SLC17A4: variants seen among roughly 807,000 people sequenced by gnomAD.
SLC17A4 encodes the protein solute carrier family 17 member 4.
Under a neutral mutation model 52.5 loss-of-function variants are expected in SLC17A4, and 33 were observed. The ratio of observed to expected loss-of-function variants is 0.63; its 90% CI spans 0.48 to 0.84. The LOEUF (loss-of-function observed/expected upper bound fraction) is 0.84, where lower values mean the gene tolerates loss of function less well. SLC17A4 is among the 40% of genes least tolerant of loss of function. The pLI, the probability that SLC17A4 is intolerant of heterozygous loss-of-function variation, is 0.00. For missense variants in SLC17A4, 585 were observed against 597.1 expected (o/e 0.98, Z 0.21); for synonymous variants, 225 against 216.2 (o/e 1.04, Z -0.36).
intron 5 of SLC17A4, 41 bp from the exon 6 acceptor site, chr6:25,770,885 C>A (rs369559781): frequency 6.7e-7 from 1 of 1,490,780 alleles, no homozygotes; most frequent in Non-Finnish European, 9.4e-7. Flanking sequence ...AGCCCCAAGA[C>A]GAGTCCTCTC....
intron 10 of SLC17A4, chr6:25,777,652 C>A: frequency 3.1e-6 from 1 of 319,408 alleles, no homozygotes; most frequent in Non-Finnish European, 5.7e-6. Flanking sequence ...GACCATCTTG[C>A]ATAAACAATG....
chr6:25,769,060 A>G lies in SLC17A4; in HGVS notation c.167A>G (p.Asn56Ser). Reference protein sequence around the residue: ...CNFSIYTQQMNLSIAIPAMVN... With the variant: ...CNFSIYTQQMSLSIAIPAMVN... Reference sequence around the variant, plus strand: ...TTTTCAATTTACACCCAACAAATGAACTTGAGCATTGCCATCCCAGCTATG... The same window carrying G: ...TTTTCAATTTACACCCAACAAATGAGCTTGAGCATTGCCATCCCAGCTATG... The change falls in exon 3 of 12, where the codon AAC (asparagine) becomes AGC (serine). Residue 56 changes from asparagine to serine, a missense_variant. Asn to Ser is a conservative substitution (Grantham distance 46). Transcript: ENST00000377905. The G allele has an allele frequency of 3.7e-6, 6 of 1,614,094 alleles. No homozygotes were observed. Among genetic ancestry groups the G allele is most frequent in the Non-Finnish European group, 5.1e-6 (6 of 1,179,982 alleles).
chr6:25,773,438 C>A (rs1039146744), intron 7 of SLC17A4, 45 bp downstream of exon 7: 2 of 1,611,494 alleles, frequency 1.2e-6, no homozygotes, highest in African/African-American at 2.7e-5. Context: ...TCCCTCTAGA[C>A]GTCTGAGAGA....
chr6:25,756,023 C>T (rs1760983936), intron 1 of SLC17A4, among the ~76,000 whole-genome samples: 1 of 152,284 alleles, frequency 6.6e-6, no homozygotes. Context: ...AGCCCATCCA[C>T]CATCAACACT....
rs34953835 is a variant in SLC17A4 at position 25,779,093 on chromosome 6, G to A, written c.1399G>A (p.Ala467Thr). Residue 467 changes from alanine (A) to threonine (T), a missense_variant, in exon 12 of 12, where the codon GCT (alanine) becomes ACT (threonine). Coordinates refer to ENST00000377905, the MANE Select transcript of SLC17A4 (RefSeq NM_005495.3). ...FGWRNVFLLS[A>T]AVNISGLVFY... is the part of the protein sequence containing the mutation. The stretch of plus-strand genomic sequence containing the variant: ...TTGGAGAAATGTCTTCTTGCTTTCA[G>A]CTGCTGTTAACATATCGGGCCTGGT... The A allele has an allele frequency of 1.2e-6, 2 of 1,613,760 alleles. No individual in the cohort carries two copies. The highest frequency in any genetic ancestry group is 1.7e-6 in the Non-Finnish European group (2 of 1,179,798).
chr6:25,777,930 A>T lies in SLC17A4; in HGVS notation c.1273A>T (p.Thr425Ser), dbSNP rs757445429. 7.4e-6 allele frequency: 12 copies of T among 1,612,512 alleles called. No homozygotes were observed. In the East Asian group the frequency reaches 2.5e-4, roughly 33 times the overall value. ...AGTACCATCTCTCTCTCTCAGGTAC[A>T]CTGGCTTTCTCAAAGGACTATTGCA... Reference protein sequence around the residue: ...VNFLDIAPRYTGFLKGLLQVF... With the variant: ...VNFLDIAPRYSGFLKGLLQVF... Residue 425 changes from threonine (T) to serine (S), a missense_variant, in exon 11 of 12, where the codon ACT becomes TCT. By Grantham distance (58) the Thr-to-Ser change is moderately conservative. Coordinates refer to ENST00000377905, the MANE Select transcript of SLC17A4 (RefSeq NM_005495.3).
Position 25,777,204 on chromosome 6 carries a change from G to T in SLC17A4, c.1268+245G>T, listed in dbSNP as rs546395564. 6.5e-4 allele frequency: 298 copies of T among 460,426 alleles called. 3 individuals are homozygous for T. In the South Asian group the frequency reaches 0.011, roughly 17 times the overall value. The allele number at this position is 460,426 out of a possible 1,614,324, so 28.5% of individuals were successfully genotyped here. A position where few individuals can be genotyped will look rare whatever the true frequency, so the allele number is the denominator to read the frequency against. ...GCCATGCTCAGAGTCAACTGAGGGA[G>T]ACTCACACAAACCTCTCTCTGTTGA... On this transcript the variant is annotated intron_variant, in intron 10 of 11. Transcript: ENST00000377905.
intron 6 of SLC17A4, among the ~76,000 whole-genome samples, 157 bp downstream of exon 6, chr6:25,771,169 C>T (rs962804446): frequency 4.6e-5 from 7 of 151,964 alleles, no homozygotes; most frequent in South Asian, 2.1e-4. Context: ...TTCAGCAGCC[C>T]GAGTGTGTAG....
rs537677836 is a variant in SLC17A4, at chr6:25,780,276, G to C, written c.*1088G>C. 1 of 152,158 alleles carries C rather than the reference G, an allele frequency of 6.6e-6. No individual in the cohort carries two copies. Among genetic ancestry groups the C allele is most frequent in the Admixed American group, 6.5e-5 (1 of 15,274 alleles). The allele number at this position is 152,158 out of a possible 1,614,324, so 9.4% of individuals were successfully genotyped here. On this transcript the variant is annotated 3_prime_UTR_variant, in exon 12 of 12. Coordinates refer to ENST00000377905, the MANE Select transcript of SLC17A4 (RefSeq NM_005495.3). ...ACAGTATTAAGGAGTTCAGTGTCTC[G>C]GGAGGGCAGATAACTTTAATCAAAG...
chr6:25,778,950 T>C, intron 11 of SLC17A4, 104 bp from the exon 12 acceptor site: 2 of 1,450,266 alleles, frequency 1.4e-6, no homozygotes, highest in Non-Finnish European at 1.9e-6. Context: ...GAAGCCAGAG[T>C]GGAGGTCGGG....
Position 25,762,067 on chromosome 6 carries a change from CAGTAATCTGGT to C in SLC17A4, c.91+20_91+30del. The C allele has an allele frequency of 6.2e-7, 1 of 1,607,332 alleles. No homozygotes were observed. ...GCTCCAGGAAAGGTAAAATCATGCA[CAGTAATCTGGT>C]AGTAAATAAAACTAGGATCTGTGGC... is the stretch of plus-strand genomic sequence containing the variant. On this transcript the variant is annotated intron_variant, in intron 2 of 11. Transcript: ENST00000377905.
chr6:25,763,219 C>G (rs529628238), intron 2 of SLC17A4, among the ~76,000 whole-genome samples: 18 of 152,316 alleles, frequency 1.2e-4, no homozygotes, highest in African/African-American at 3.8e-4. Flanking sequence ...CTGGTGACCA[C>G]TCCAGGCTAT....
In SLC17A4 at chr6:25,779,215, G is replaced by T. The variant is rs1469038083; in HGVS notation, c.*27G>T. ...CAAACCGAGAGATGTGCTAGATCCT[G>T]GTGCTTAGTTCATCATTGTTTTCCC... On this transcript the variant is annotated 3_prime_UTR_variant, in exon 12 of 12. Transcript: ENST00000377905. 1 of 1,611,114 alleles carries T rather than the reference G, an allele frequency of 6.2e-7. No homozygotes were observed. The highest frequency in any genetic ancestry group is 1.3e-5 in the African/African-American group (1 of 74,884).
Position 25,779,136 on chromosome 6 carries a change from G to A in SLC17A4, c.1442G>A (p.Gly481Asp), listed in dbSNP as rs1163840569. 1 of 1,613,804 alleles carries A rather than the reference G, an allele frequency of 6.2e-7. No individual in the cohort carries two copies. The highest frequency in any genetic ancestry group is 1.1e-5 in the South Asian group (1 of 91,068). Residue 481 changes from glycine to aspartate, a missense_variant, in exon 12 of 12, where the codon GGC becomes GAC. Physicochemically the swap from Gly to Asp is moderately conservative, Grantham distance 94 (BLOSUM62 -1). Coordinates refer to ENST00000377905, the MANE Select transcript of SLC17A4 (RefSeq NM_005495.3). ...GGCCTGGTTTTCTACCTCATCTTTG[G>A]CCGAGCAGATGTGCAGGACTGGGCT... ...ISGLVFYLIFGRADVQDWAKE... is the reference protein window; with the variant it reads ...ISGLVFYLIFDRADVQDWAKE...
chr6:25,755,185 G>T lies in SLC17A4; in HGVS notation c.-37+404G>T, dbSNP rs200671547. On this transcript the variant is annotated intron_variant, in intron 1 of 11. Transcript: ENST00000377905. Reference sequence around the variant, plus strand: ...TTTAAGCATTGATCAAATCCACAGTGAGACAATAAATGCCAATACTGAATT... The same window carrying T: ...TTTAAGCATTGATCAAATCCACAGTTAGACAATAAATGCCAATACTGAATT... 1.9e-3 allele frequency among the ~76,000 whole-genome samples: 291 copies of T among 152,220 alleles called. 1 individual carries two copies. Among genetic ancestry groups the T allele is most frequent in the Non-Finnish European group, 3.1e-3 (212 of 67,996 alleles).
At chr6:25,772,238 G>A (rs942931142) in intron 6 of SLC17A4, among the ~76,000 whole-genome samples, 7 of 152,096 alleles carry the variant, frequency 4.6e-5, no homozygotes, top group African/African-American at 1.7e-4. Flanking sequence ...AAACAGTAAG[G>A]AGCATATACG....
At chr6:25,777,675 T>C (rs1403337887) in intron 10 of SLC17A4, 1 of 373,062 alleles carries the variant, frequency 2.7e-6, no homozygotes, top group Admixed American at 4.2e-5. Flanking sequence ...GACAAGTTAA[T>C]AGAGGTTACC....
chr6:25,778,555 C>T (rs913501382), intron 11 of SLC17A4, among the ~76,000 whole-genome samples: 1 of 152,094 alleles, frequency 6.6e-6, no homozygotes, highest in African/African-American at 2.4e-5. Context: ...AAATATTAAA[C>T]AGTAGTATGT....
At position 25,779,132 on chromosome 6, in the gene SLC17A4, T is replaced by C; in HGVS notation, c.1438T>C (p.Phe480Leu). 6.2e-7 allele frequency: 1 copy of C among 1,613,932 alleles called. No individual in the cohort carries two copies. The highest frequency in any genetic ancestry group is 8.5e-7 in the Non-Finnish European group (1 of 1,179,826). ...NISGLVFYLI[F>L]GRADVQDWAK... The stretch of plus-strand genomic sequence containing the variant: ...ATCGGGCCTGGTTTTCTACCTCATC[T>C]TTGGCCGAGCAGATGTGCAGGACTG... Residue 480 changes from phenylalanine (F) to leucine (L), a missense_variant, in exon 12 of 12, where the codon TTT becomes CTT. Coordinates refer to ENST00000377905, the MANE Select transcript of SLC17A4 (RefSeq NM_005495.3).
Sources: gnomAD v4.1 joint callset for allele counts (sites outside exome capture counted in the v4.1 genomes callset) on GRCh38, gnomAD v4.1.1 for gene constraint, MANE v1.5 for transcripts, NCBI Gene and HGNC (gene_info 2026-07-23, HGNC 2026-07-21) for gene names.